Variants in ADGRL3 observed in about 807,000 individuals in gnomAD.
The protein encoded by ADGRL3 is calcium-independent alpha-latrotoxin receptor 3.
Under a neutral mutation model 153.5 loss-of-function variants are expected in ADGRL3, and 62 were observed. That is an observed-to-expected ratio of 0.40 (90% CI 0.33 to 0.50). ADGRL3 has a LOEUF of 0.50. Ranked by LOEUF, ADGRL3 falls within the 20% of genes least tolerant of loss-of-function variation. The pLI, the probability that ADGRL3 is intolerant of heterozygous loss-of-function variation, is 0.47. For missense variants in ADGRL3, 1,641 were observed against 1,859.4 expected (o/e 0.88, Z 2.16); for synonymous variants, 710 against 672.5 (o/e 1.06, Z -0.86).
At chr4:62,031,283 G>A (rs1214388024) in intron 22 of ADGRL3, among the ~76,000 whole-genome samples, 159 bp from the exon 23 acceptor site, 1 of 151,512 alleles carries the variant, frequency 6.6e-6, no homozygotes, top group Non-Finnish European at 1.5e-5. Flanking sequence ...AAAACTTGTA[G>A]TCTCATTAAA....
At chr4:61,903,294 T>C (rs1468023454) in intron 11 of ADGRL3, among the ~76,000 whole-genome samples, 1 of 152,104 alleles carries the variant, frequency 6.6e-6, no homozygotes, top group Non-Finnish European at 1.5e-5. Context: ...TGGTGGTTAC[T>C]TCTTCTTGCC....
chr4:61,560,719 G>T (rs1007765295), intron 4 of ADGRL3, among the ~76,000 whole-genome samples: 1 of 151,828 alleles, frequency 6.6e-6, no homozygotes, highest in Non-Finnish European at 1.5e-5. Context: ...AACTTACGGA[G>T]GTCTATTATC....
intron 5 of ADGRL3, among the ~76,000 whole-genome samples, chr4:61,616,960 T>A (rs1160774579): frequency 6.6e-6 from 1 of 152,144 alleles, no homozygotes; most frequent in Non-Finnish European, 1.5e-5. Flanking sequence ...CAGCCAGTAA[T>A]GTTATTAATT....
In ADGRL3 at chr4:61,564,501, G is replaced by A. The variant is rs2098808803; in HGVS notation, c.260-22726G>A. 2.0e-5 allele frequency among the ~76,000 whole-genome samples: 3 copies of A among 152,104 alleles called. No individual in the cohort carries two copies. In the South Asian group the frequency reaches 6.2e-4, roughly 32 times the overall value. ...AGGTTCAGGCTCATCTCAAACTCCT[G>A]GGCACCAGCAGTCTGGCTGCTTTGG... On this transcript the variant is annotated intron_variant, in intron 4 of 26. Coordinates refer to ENST00000683033, the MANE Select transcript of ADGRL3 (RefSeq NM_001387552.1).
intron 2 of ADGRL3, among the ~76,000 whole-genome samples, chr4:61,476,460 CTTTGGGAGG>C (rs2098055214): frequency 6.6e-6 from 1 of 151,990 alleles, no homozygotes; most frequent in Non-Finnish European, 1.5e-5. Context: ...AATCCCAGCA[CTTTGGGAGG>C]CCAAGGTGGG....
chr4:61,649,729 G>A (rs1244334885), intron 5 of ADGRL3, among the ~76,000 whole-genome samples: 1 of 152,070 alleles, frequency 6.6e-6, no homozygotes, highest in East Asian at 1.9e-4. Context: ...AAATAAGTGT[G>A]TCAGTCTTAA....
At position 61,643,466 on chromosome 4, in the gene ADGRL3, A is replaced by G. The variant is rs974923815; in HGVS notation, c.474-33360A>G. 1.3e-3 allele frequency among the ~76,000 whole-genome samples: 204 copies of G among 152,004 alleles called. 2 individuals carry two copies. The highest frequency in any genetic ancestry group is 4.5e-3 in the African/African-American group (186 of 41,436). On this transcript the variant is annotated intron_variant, in intron 5 of 26. Coordinates refer to ENST00000683033, the MANE Select transcript of ADGRL3 (RefSeq NM_001387552.1). ...TTATTATTTTGAAATACGTCCCATC[A>G]ATACCTAATTTATTGAGAGTTTTTA...
At chr4:61,324,336 A>G (rs575006164) in intron 1 of ADGRL3, among the ~76,000 whole-genome samples, 8 of 152,320 alleles carry the variant, frequency 5.3e-5, no homozygotes, top group East Asian at 1.9e-4. Context: ...TGAGAAACGT[A>G]TACCTGGAAG....
In ADGRL3 at chr4:61,532,553, C is replaced by CGTGTGT. The variant is rs1344839723; in HGVS notation, c.259+15036_259+15037insTGTGTG. Among the ~76,000 whole-genome samples, 1,095 of 131,480 alleles carry CGTGTGT rather than the reference C, an allele frequency of 8.3e-3. 13 individuals are homozygous for CGTGTGT. The highest frequency in any genetic ancestry group is 0.014 in the East Asian group (55 of 3,932). 86.3% of individuals were successfully genotyped at this position (131,480 alleles called of 152,430 possible). A position where few individuals can be genotyped will look rare whatever the true frequency, so the allele number is the denominator to read the frequency against. On this transcript the variant is annotated intron_variant, in intron 4 of 26. Transcript: ENST00000683033. ...GCATGCGCGCGCGCGCGCGCGCGCG[C>CGTGTGT]GCGTGTGTGTGTGTGTGTGTGTTTA...
At chr4:61,523,512 A>G (rs1177511774) in intron 4 of ADGRL3, among the ~76,000 whole-genome samples, 1 of 152,120 alleles carries the variant, frequency 6.6e-6, no homozygotes, top group Non-Finnish European at 1.5e-5. Context: ...ATTGATATGC[A>G]TAATACGTTC....
chr4:61,401,076 TAA>T lies in ADGRL3; in HGVS notation c.-174+17894_-174+17895del, dbSNP rs796155996. Among the ~76,000 whole-genome samples, 69 of 138,464 alleles carry T rather than the reference TAA, an allele frequency of 5.0e-4. 1 individual carries two copies. Among genetic ancestry groups the T allele is most frequent in the East Asian group, 8.3e-4 (4 of 4,816 alleles). 90.8% of individuals were successfully genotyped at this position (138,464 alleles called of 152,430 possible). On this transcript the variant is annotated intron_variant, in intron 2 of 26. Transcript: ENST00000683033. Reference sequence around the variant, plus strand: ...GTGGAAGGAAGATTCTTTTTTTTTTTAAAAAAAAGATTTTTTGAAAATGCAGT... The same window carrying T: ...GTGGAAGGAAGATTCTTTTTTTTTTTAAAAAAGATTTTTTGAAAATGCAGT...
intron 2 of ADGRL3, among the ~76,000 whole-genome samples, chr4:61,388,650 C>T (rs967356826): frequency 1.3e-5 from 2 of 152,200 alleles, no homozygotes; most frequent in Non-Finnish European, 2.9e-5. Flanking sequence ...AATTACATCA[C>T]CCTCCTGTTT....
At chr4:62,030,734 T>C (rs908487804) in intron 22 of ADGRL3, among the ~76,000 whole-genome samples, 2 of 151,480 alleles carry the variant, frequency 1.3e-5, no homozygotes, top group African/African-American at 4.8e-5. Context: ...TTCAAAATTT[T>C]TTTCAACAAA....
Position 61,962,317 on chromosome 4 carries a change from G to A in ADGRL3, c.2805+14041G>A, listed in dbSNP as rs75792767. Among the ~76,000 whole-genome samples the A allele has an allele frequency of 5.4e-3, 814 of 152,090 alleles. 8 individuals are homozygous for A. The highest frequency in any genetic ancestry group is 0.019 in the African/African-American group (781 of 41,486). ...AAAATTTCAAGCAATTATATTTTAAGAACATTATTGTTAACACAAACAAGA... is the reference window on the plus strand; with the variant it reads ...AAAATTTCAAGCAATTATATTTTAAAAACATTATTGTTAACACAAACAAGA... On this transcript the variant is annotated intron_variant, in intron 17 of 26. Coordinates refer to ENST00000683033, the MANE Select transcript of ADGRL3 (RefSeq NM_001387552.1).
intron 3 of ADGRL3, 65 bp from the exon 4 acceptor site, chr4:61,517,250 A>C: frequency 1.5e-6 from 1 of 686,932 alleles, no homozygotes; most frequent in Non-Finnish European, 2.7e-6. Context: ...AGCCTCTACC[A>C]GGGCTCCCCT....
intron 5 of ADGRL3, among the ~76,000 whole-genome samples, chr4:61,649,116 C>A (rs913579536): frequency 5.9e-5 from 9 of 151,944 alleles, no homozygotes; most frequent in Admixed American, 2.6e-4. Flanking sequence ...TGATCTGTAA[C>A]TAGATATTTG....
intron 1 of ADGRL3, among the ~76,000 whole-genome samples, chr4:61,260,354 C>CT (rs1194353868): frequency 6.6e-6 from 1 of 152,150 alleles, no homozygotes; most frequent in Admixed American, 6.5e-5. Context: ...GTTCTTTTCT[C>CT]TGAGCATCGC....
intron 4 of ADGRL3, among the ~76,000 whole-genome samples, chr4:61,560,484 T>C (rs910498113): frequency 6.6e-6 from 1 of 152,084 alleles, no homozygotes; most frequent in African/African-American, 2.4e-5. Context: ...AATTGTTCTA[T>C]GATAATTGGG....
At chr4:62,022,907 C>T (rs1345835872) in intron 21 of ADGRL3, among the ~76,000 whole-genome samples, 1 of 152,082 alleles carries the variant, frequency 6.6e-6, no homozygotes, top group African/African-American at 2.4e-5. Context: ...GCTAACACAA[C>T]CTCCATTCTG....
Sources: allele counts gnomAD v4.1 joint callset (sites outside exome capture counted in the v4.1 genomes callset), GRCh38; gene constraint gnomAD v4.1.1; transcripts MANE v1.5; gene names NCBI Gene and HGNC (gene_info 2026-07-23, HGNC 2026-07-21).